The following MTMR2 variants were observed in gnomAD, a reference collection of about 807,000 sequenced individuals.
MTMR2 encodes myotubularin related protein 2.
A neutral mutation model predicts 86.9 loss-of-function variants in MTMR2; 55 were observed. That is an observed-to-expected ratio of 0.63 (90% CI 0.51 to 0.79). The LOEUF is 0.79. Ranked by LOEUF, MTMR2 falls within the 30% of genes least tolerant of loss-of-function variation. The pLI is 0.00. For synonymous variants in MTMR2, 241 were observed against 266.8 expected, an observed-to-expected ratio of 0.90 and a Z score of 0.94; for missense variants, 659 against 772.3, an observed-to-expected ratio of 0.85 and a Z score of 1.74.
Position 95,838,167 on chromosome 11 carries a change from G to A in MTMR2, c.1520C>T (p.Thr507Ile). The A allele has an allele frequency of 6.2e-7, 1 of 1,610,730 alleles. No homozygotes were observed. The highest frequency in any genetic ancestry group is 8.5e-7 in the Non-Finnish European group (1 of 1,177,248). ...AFEFNEYFLI[T>I]ILDHLYSCLF... ...GCAGCTGTATAGGTGGTCCAAAATG[G>A]TAATGAGAAAATACTCATTGAATTC... Residue 507 changes from threonine (T) to isoleucine (I), a missense_variant, in exon 13 of 15, where the codon ACC becomes ATC. By Grantham distance (89) the Thr-to-Ile change is moderately conservative. Transcript: ENST00000346299.
intron 13 of MTMR2, 21 bp downstream of exon 13, chr11:95,838,073 A>C: frequency 7.5e-7 from 1 of 1,335,912 alleles, no homozygotes; most frequent in Non-Finnish European, 1.1e-6. Context: ...AGTATGGGGA[A>C]GGTCATGTTT....
intron 9 of MTMR2, 83 bp downstream of exon 9, chr11:95,849,591 G>T (rs1863936142): frequency 1.6e-6 from 2 of 1,226,384 alleles, no homozygotes; most frequent in African/African-American, 1.5e-5. Context: ...TGTAGAGCCT[G>T]AGCTCTTTTT....
chr11:95,882,772 G>C (rs1019909603), intron 2 of MTMR2, among the ~76,000 whole-genome samples: 5 of 149,406 alleles, frequency 3.3e-5, no homozygotes, highest in African/African-American at 1.2e-4. Flanking sequence ...GCCCAGGCTG[G>C]AGTGCAGTGG....
At chr11:95,899,281 G>C (rs1002996751) in intron 1 of MTMR2, among the ~76,000 whole-genome samples, 6 of 152,118 alleles carry the variant, frequency 3.9e-5, no homozygotes, top group African/African-American at 9.7e-5. Flanking sequence ...GGAGAAGGAA[G>C]ACTCAAAATA....
chr11:95,917,618 CAT>C (rs1438054282), intron 1 of MTMR2, among the ~76,000 whole-genome samples: 2 of 152,086 alleles, frequency 1.3e-5, no homozygotes, highest in Non-Finnish European at 2.9e-5. Context: ...TTACGGATAA[CAT>C]AAACAGCCCA....
chr11:95,923,992 T>C lies in MTMR2; in HGVS notation c.-38A>G. The C allele has an allele frequency of 1.3e-6, 2 of 1,549,972 alleles. No individual in the cohort carries two copies. The highest frequency in any genetic ancestry group is 1.7e-6 in the Non-Finnish European group (2 of 1,146,046). On this transcript the variant is annotated 5_prime_UTR_variant, in exon 1 of 15. Coordinates refer to ENST00000346299, the MANE Select transcript of MTMR2 (RefSeq NM_016156.6). ...GCAGCACAGGGAAAGGCTGAAGCAG[T>C]CTTCGCGGCTACAGGGCGGGAGAAG...
At chr11:95,881,718 A>T (rs1865327360) in intron 2 of MTMR2, among the ~76,000 whole-genome samples, 1 of 152,106 alleles carries the variant, frequency 6.6e-6, no homozygotes, top group African/African-American at 2.4e-5. Context: ...TAGTTCTGGT[A>T]GTTTGTATAT....
chr11:95,847,050 T>C (rs1389578688), intron 10 of MTMR2, among the ~76,000 whole-genome samples: 3 of 152,186 alleles, frequency 2.0e-5, no homozygotes, highest in Admixed American at 6.6e-5. Flanking sequence ...TGGTGAGTTA[T>C]GTTACTGACA....
chr11:95,848,064 C>T lies in MTMR2; in HGVS notation c.994-165G>A, dbSNP rs75019526. Among the ~76,000 whole-genome samples the T allele has an allele frequency of 1.8e-4, 27 of 152,248 alleles. No individual in the cohort carries two copies. In the East Asian group the frequency reaches 5.0e-3, roughly 28 times the overall value. ...GGACAACTTATTTAGCACAACCACT[C>T]GCTTTCTTGTGTTCTTCTTTACAAA... On this transcript the variant is annotated intron_variant, in intron 9 of 14. Coordinates refer to ENST00000346299, the MANE Select transcript of MTMR2 (RefSeq NM_016156.6).
intron 12 of MTMR2, among the ~76,000 whole-genome samples, chr11:95,841,238 CAAAA>C (rs141483124): frequency 2.7e-5 from 4 of 148,756 alleles, no homozygotes; most frequent in African/African-American, 7.3e-5. Flanking sequence ...GATTGAAATT[CAAAA>C]AAAAAATTAA....
chr11:95,924,102 G>T lies in MTMR2; in HGVS notation c.-148C>A. 1.0e-6 allele frequency: 1 copy of T among 994,312 alleles called. No individual in the cohort carries two copies. Among genetic ancestry groups the T allele is most frequent in the Non-Finnish European group, 1.5e-6 (1 of 653,560 alleles). 61.6% of individuals were successfully genotyped at this position (994,312 alleles called of 1,614,324 possible). On this transcript the variant is annotated 5_prime_UTR_variant, in exon 1 of 15. The change creates a new upstream start codon in the 5' untranslated region. Coordinates refer to ENST00000346299, the MANE Select transcript of MTMR2 (RefSeq NM_016156.6). ...GACCGGAAGCGGCCATGTTCCCCCA[G>T]AGTGCACCGCGCCTGTAGGCTGCTG...
chr11:95,888,527 A>AC (rs1340980749), intron 1 of MTMR2, among the ~76,000 whole-genome samples: 1 of 152,066 alleles, frequency 6.6e-6, no homozygotes, highest in East Asian at 1.9e-4. Flanking sequence ...TTATCCATTC[A>AC]CCCATCCATT....
intron 1 of MTMR2, among the ~76,000 whole-genome samples, chr11:95,893,958 T>G (rs1184651231): frequency 6.6e-6 from 1 of 152,170 alleles, no homozygotes; most frequent in East Asian, 1.9e-4. Context: ...TGCTTAAATC[T>G]TCATTGATTC....
At chr11:95,841,508 A>G (rs1345297292) in intron 12 of MTMR2, 109 bp downstream of exon 12, 5 of 821,106 alleles carry the variant, frequency 6.1e-6, no homozygotes, top group South Asian at 1.3e-5. Context: ...TGGAGATGTT[A>G]CAAGAATTTC....
intron 1 of MTMR2, 107 bp downstream of exon 1, chr11:95,923,768 T>C (rs1429650064): frequency 9.4e-6 from 14 of 1,495,894 alleles, no homozygotes; most frequent in Non-Finnish European, 1.3e-5. Flanking sequence ...AATTCCGGCG[T>C]AGCCTTCAGA....
chr11:95,917,998 A>G (rs763672091), intron 1 of MTMR2, among the ~76,000 whole-genome samples: 3 of 152,256 alleles, frequency 2.0e-5, no homozygotes, highest in African/African-American at 4.8e-5. Flanking sequence ...TATGTTACTC[A>G]AAGAAAAATG....
intron 1 of MTMR2, among the ~76,000 whole-genome samples, chr11:95,902,336 T>C (rs1866104755): frequency 6.6e-6 from 1 of 152,192 alleles, no homozygotes; most frequent in Non-Finnish European, 1.5e-5. Flanking sequence ...TAAGACTGTC[T>C]GTCCTTCCAT....
intron 1 of MTMR2, chr11:95,907,895 C>T: frequency 2.3e-6 from 1 of 441,034 alleles, no homozygotes; most frequent in Non-Finnish European, 4.5e-6. Flanking sequence ...CAACATCACA[C>T]TGAATGGGTA....
At chr11:95,865,544 G>C (rs530488865) in intron 3 of MTMR2, 57 bp downstream of exon 3, 14 of 1,479,988 alleles carry the variant, frequency 9.5e-6, no homozygotes, top group Admixed American at 8.4e-5. Flanking sequence ...TGAGAGTACT[G>C]AACATTCTGC....
Sources: allele counts gnomAD v4.1 joint callset (sites outside exome capture counted in the v4.1 genomes callset), GRCh38; gene constraint gnomAD v4.1.1; transcripts MANE v1.5; gene names NCBI Gene and HGNC (gene_info 2026-07-23, HGNC 2026-07-21).